The following TESPA1 variants were observed in gnomAD, a reference collection of about 807,000 sequenced individuals.
TESPA1 encodes the protein protein TESPA1.
In TESPA1, 33 loss-of-function variants were observed where a neutral mutation model predicts 57.9. The observed-to-expected ratio is 0.57, with a 90% CI of 0.43 to 0.76. The LOEUF is 0.76. Among genes scored for constraint, TESPA1 ranks in the 30% least tolerant of loss-of-function variants. The pLI is 0.00. For synonymous variants in TESPA1, 227 were observed against 228.9 expected, an observed-to-expected ratio of 0.99 and a Z score of 0.07; for missense variants, 618 against 632.9, an observed-to-expected ratio of 0.98 and a Z score of 0.25.
chr12:54,966,555 T>C (rs894878464), intron 5 of TESPA1, 131 bp from the exon 6 acceptor site: 33 of 1,029,588 alleles, frequency 3.2e-5, no homozygotes, highest in Non-Finnish European at 4.6e-5. Context: ...CTGGACCCCA[T>C]AAATTCTGCA....
In TESPA1 at chr12:54,978,008, G is replaced by A. The variant is rs560217572; in HGVS notation, c.-45-3401C>T. On this transcript the variant is annotated intron_variant, in intron 1 of 10. Transcript: ENST00000449076. ...CTGTACTGCTGGGAGACAAGAAACC[G>A]TTTTTTTTTTGTTTTTTTTTCTGTG... Among the ~76,000 whole-genome samples, 273 of 147,586 alleles carry A rather than the reference G, an allele frequency of 1.8e-3. 1 individual carries two copies. The highest frequency in any genetic ancestry group is 5.9e-3 in the African/African-American group (236 of 40,196).
At chr12:54,979,071 C>G (rs1165157390) in intron 1 of TESPA1, among the ~76,000 whole-genome samples, 1 of 152,192 alleles carries the variant, frequency 6.6e-6, no homozygotes, top group Non-Finnish European at 1.5e-5. Context: ...GCCTTGGATC[C>G]TAATGTACAT....
intron 1 of TESPA1, chr12:54,984,207 G>A (rs934200240): frequency 6.6e-6 from 1 of 152,098 alleles, no homozygotes; most frequent in African/African-American, 2.4e-5. Context: ...AGAACTTTTC[G>A]ATGTTATAAT....
Position 54,950,237 on chromosome 12 carries a change from G to T in TESPA1, c.*155C>A, listed in dbSNP as rs1410089061. 4.4e-6 allele frequency: 2 copies of T among 456,328 alleles called. No homozygotes were observed. Among genetic ancestry groups the T allele is most frequent in the Non-Finnish European group, 8.8e-6 (2 of 226,952 alleles). The allele number at this position is 456,328 out of a possible 1,614,324, so 28.3% of individuals were successfully genotyped here. A position where few individuals can be genotyped will look rare whatever the true frequency, so the allele number is the denominator to read the frequency against. On this transcript the variant is annotated 3_prime_UTR_variant, in exon 11 of 11. Coordinates refer to ENST00000449076, the MANE Select transcript of TESPA1 (RefSeq NM_001136030.3). ...TCTGGTCTTCCTCCCCATGTACCAT[G>T]CTGCCTTTCTCCTGCAGAGTTTGGG...
At chr12:54,975,376 T>C (rs545866693) in intron 1 of TESPA1, among the ~76,000 whole-genome samples, 1 of 152,294 alleles carries the variant, frequency 6.6e-6, no homozygotes, top group East Asian at 1.9e-4. Context: ...CGATTCATAT[T>C]TCATGTAACA....
intron 8 of TESPA1, 60 bp downstream of exon 8, chr12:54,963,682 C>A: frequency 6.5e-7 from 1 of 1,542,466 alleles, no homozygotes; most frequent in Non-Finnish European, 8.8e-7. Flanking sequence ...GCCACTGAGC[C>A]CTGCTGTGAA....
At chr12:54,973,332 C>G in intron 3 of TESPA1, 145 bp downstream of exon 3, 1 of 1,181,570 alleles carries the variant, frequency 8.5e-7, no homozygotes, top group East Asian at 2.4e-5. Flanking sequence ...ACCCGCAACA[C>G]CCCTCCAACC....
chr12:54,968,545 G>A (rs1951597170), intron 3 of TESPA1, among the ~76,000 whole-genome samples: 1 of 152,188 alleles, frequency 6.6e-6, no homozygotes. Context: ...TCCAAAACAG[G>A]TGTGTGAAGT....
At chr12:54,950,940 T>G (rs997130915) in intron 10 of TESPA1, among the ~76,000 whole-genome samples, 4 of 139,592 alleles carry the variant, frequency 2.9e-5, no homozygotes, top group Non-Finnish European at 5.9e-5. Flanking sequence ...CACTTAAAAT[T>G]TTTTTCCATT....
intron 3 of TESPA1, 139 bp from the exon 4 acceptor site, chr12:54,968,031 A>G: frequency 6.5e-7 from 1 of 1,529,500 alleles, no homozygotes; most frequent in Non-Finnish European, 8.8e-7. Context: ...GTTGGAGAAA[A>G]CAAAGACAGA....
intron 10 of TESPA1, among the ~76,000 whole-genome samples, chr12:54,955,063 A>G (rs1950647099): frequency 6.6e-6 from 1 of 152,220 alleles, no homozygotes; most frequent in African/African-American, 2.4e-5. Flanking sequence ...CAGTGTACAG[A>G]AGTTTCAGTT....
chr12:54,973,555 G>T lies in TESPA1; in HGVS notation c.164-36C>A, dbSNP rs914714661. The T allele has an allele frequency of 5.6e-6, 9 of 1,613,700 alleles. No individual in the cohort carries two copies. The African/African-American group carries it at 1.1e-4, about 19-fold the overall frequency. On this transcript the variant is annotated intron_variant, in intron 2 of 10. Transcript: ENST00000449076. The stretch of plus-strand genomic sequence containing the variant: ...CAGACACTAGATCACTGTGAGAACT[G>T]AACGAAATCAGACCTCCTCCCTGCA...
chr12:54,974,491 C>T lies in TESPA1; in HGVS notation c.72G>A (p.Trp24Ter), dbSNP rs1442274453. The part of the protein sequence containing the change: ...RRAWLRQSRN[W>*]QTQVLEEEAA... ...CCTCCTCTTCTAGGACCTGGGTCTG[C>T]CAGTTACGGCTCTGACGGAGCCAGG... The change falls in exon 2 of 11, where the codon TGG (tryptophan) becomes TGA (stop). Residue 24 changes from tryptophan (W) to a stop codon, truncating the protein, a stop_gained. Coordinates refer to ENST00000449076, the MANE Select transcript of TESPA1 (RefSeq NM_001136030.3). LOFTEE classifies it high-confidence loss of function. 1.2e-6 allele frequency: 2 copies of T among 1,603,574 alleles called. No homozygotes were observed. Among genetic ancestry groups the T allele is most frequent in the African/African-American group, 1.3e-5 (1 of 74,764 alleles).
rs1472689812 is a variant in TESPA1, at chr12:54,950,213, C to T, written c.*179G>A. 2.2e-6 allele frequency: 1 copy of T among 454,610 alleles called. No individual in the cohort carries two copies. The highest frequency in any genetic ancestry group is 2.0e-5 in the African/African-American group (1 of 49,964). The allele number at this position is 454,610 out of a possible 1,614,324, so 28.2% of individuals were successfully genotyped here. On this transcript the variant is annotated 3_prime_UTR_variant, in exon 11 of 11. Transcript: ENST00000449076. ...GGATGTGGATTCCAAATCGCTCAGTCTGGTCTTCCTCCCCATGTACCATGC... is the reference window on the plus strand; with the variant it reads ...GGATGTGGATTCCAAATCGCTCAGTTTGGTCTTCCTCCCCATGTACCATGC...
chr12:54,956,773 TC>T (rs1377804289), intron 10 of TESPA1, among the ~76,000 whole-genome samples: 1 of 152,110 alleles, frequency 6.6e-6, no homozygotes, highest in Non-Finnish European at 1.5e-5. Context: ...GGCTGGCAAA[TC>T]CAAGGTCAAA....
chr12:54,967,327 A>T, intron 4 of TESPA1, 91 bp from the exon 5 acceptor site: 8 of 1,413,892 alleles, frequency 5.7e-6, no homozygotes, highest in South Asian at 3.7e-5. Flanking sequence ...ACATCTTCAC[A>T]TGCCCTTAGA....
intron 10 of TESPA1, among the ~76,000 whole-genome samples, chr12:54,954,521 G>A (rs146630306): frequency 6.6e-6 from 1 of 152,164 alleles, no homozygotes; most frequent in African/African-American, 2.4e-5. Flanking sequence ...TACTTCCAAG[G>A]CTGCCAAGGC....
rs1592377830 is a variant in TESPA1, at chr12:54,967,845, T to C, written c.254A>G (p.Asn85Ser). 1 of 1,613,648 alleles carries C rather than the reference T, an allele frequency of 6.2e-7. No individual in the cohort carries two copies. Among genetic ancestry groups the C allele is most frequent in the South Asian group, 1.1e-5 (1 of 91,074 alleles). The part of the protein sequence containing the change: ...FSEEAGQFIY[N>S]GFCSHGTSFE... ...AGATGGACAGAACCTATACTCACCA[T>C]TGTAGATAAACTGTCCTGCTTCCTC... Residue 85 changes from asparagine to serine, a missense_variant and splice_region_variant, in exon 4 of 11, where the codon AAT (asparagine) becomes AGT (serine). Physicochemically the swap from Asn to Ser is conservative, Grantham distance 46 (BLOSUM62 1). This residue lies in a region of TESPA1 where 199 missense variants were observed against 184.0 expected (regional missense o/e 1.08). Coordinates refer to ENST00000449076, the MANE Select transcript of TESPA1 (RefSeq NM_001136030.3).
Position 54,949,448 on chromosome 12 carries a change from T to A in TESPA1, c.*944A>T, listed in dbSNP as rs1239282696. ...CAAATAATATACTTCTGGAAATGCG[T>A]GCATCTTACTTCTCCCATTCTATTA... On this transcript the variant is annotated 3_prime_UTR_variant, in exon 11 of 11. Coordinates refer to ENST00000449076, the MANE Select transcript of TESPA1 (RefSeq NM_001136030.3). The A allele has an allele frequency of 6.6e-6, 1 of 151,856 alleles. No individual in the cohort carries two copies. Among genetic ancestry groups the A allele is most frequent in the East Asian group, 1.9e-4 (1 of 5,176 alleles). 9.4% of individuals were successfully genotyped at this position (151,856 alleles called of 1,614,324 possible).
Sources: allele counts gnomAD v4.1 joint callset (sites outside exome capture counted in the v4.1 genomes callset), GRCh38; gene constraint gnomAD v4.1.1; regional missense constraint gnomAD v4.1.1; transcripts MANE v1.5; gene names NCBI Gene and HGNC (gene_info 2026-07-23, HGNC 2026-07-21).